Variants in OFD1 observed in about 807,000 individuals in gnomAD.
OFD1 encodes centriole and centriolar satellite protein OFD1.
In OFD1, 12 loss-of-function variants were observed where a neutral mutation model predicts 81.4. That is an observed-to-expected ratio of 0.15 (90% CI 0.09 to 0.24). OFD1 has a LOEUF of 0.24. Among genes scored for constraint, OFD1 ranks in the 10% least tolerant of loss-of-function variants. OFD1 has a pLI of 1.00. For synonymous variants in OFD1, 256 were observed against 263.7 expected, an observed-to-expected ratio of 0.97 and a Z score of 0.28; for missense variants, 685 against 733.9, an observed-to-expected ratio of 0.93 and a Z score of 0.77.
chrX:13,731,360 A>G (rs1453322334), upstream of OFD1, among the ~76,000 whole-genome samples: 1 of 112,556 alleles, frequency 8.9e-6, no homozygotes, highest in African/African-American at 3.2e-5. Context: ...AGGCACTTTT[A>G]TTATACATTA....
At chrX:13,739,998 A>G (rs1414302848) in intron 5 of OFD1, 2 of 909,629 alleles carry the variant, frequency 2.2e-6, no homozygotes, top group East Asian at 7.8e-5. Flanking sequence ...TGTTGCCTGC[A>G]CTATCATCCC....
upstream of OFD1, chrX:13,734,620 C>A: frequency 1.2e-6 from 1 of 814,405 alleles, no homozygotes; most frequent in Non-Finnish European, 1.5e-6. Flanking sequence ...GCAGTTCTCG[C>A]GATACCCTGG....
Position 13,744,460 on chromosome X carries a change from C to T in OFD1, c.458C>T (p.Ala153Val). 2.5e-6 allele frequency: 3 copies of T among 1,192,606 alleles called. No individual in the cohort carries two copies. The highest frequency in any genetic ancestry group is 3.4e-6 in the Non-Finnish European group (3 of 879,197). The change falls in exon 6 of 23, where the codon GCT becomes GTT. Residue 153 changes from alanine (A) to valine (V), a missense_variant. Transcript: ENST00000340096. ...FLKELAEYHQAKESCNMETQT... is the reference protein window; with the variant it reads ...FLKELAEYHQVKESCNMETQT... ...AAAGAATTGGCAGAATATCATCAAGCTAAAGAGAGTTGTAATATGGAAACT... is the reference window on the plus strand; with the variant it reads ...AAAGAATTGGCAGAATATCATCAAGTTAAAGAGAGTTGTAATATGGAAACT...
At chrX:13,751,485 A>AC in intron 10 of OFD1, 117 bp downstream of exon 10, 1 of 599,816 alleles carries the variant, frequency 1.7e-6, no homozygotes, top group Non-Finnish European at 2.6e-6. Context: ...AAAAAAAAAA[A>AC]ACATAGTTTT....
chrX:13,740,115 A>G, intron 5 of OFD1: 1 of 965,005 alleles, frequency 1.0e-6, no homozygotes, highest in South Asian at 2.0e-5. Context: ...TTAATCGCCA[A>G]GTCTCTTGGT....
the OFD1 span, among the ~76,000 whole-genome samples, chrX:13,728,197 C>T: frequency 4.5e-5 from 5 of 112,190 alleles, no homozygotes; most frequent in Non-Finnish European, 5.6e-5. Flanking sequence ...ACCATTCCTT[C>T]TGAAACTATT....
Position 13,744,428 on chromosome X carries a change from T to G in OFD1, c.426T>G (p.His142Gln). ...DKENQKGFLM[H>Q]FLKELAEYHQ... is the part of the protein sequence containing the mutation. ...TATGTTTTTTAGGTTTTCTTATGCATTTTTTAAAAGAATTGGCAGAATATC... is the reference window on the plus strand; with the variant it reads ...TATGTTTTTTAGGTTTTCTTATGCAGTTTTTAAAAGAATTGGCAGAATATC... Residue 142 changes from histidine (H) to glutamine (Q), a missense_variant, in exon 6 of 23, where the codon CAT (histidine) becomes CAG (glutamine). His to Gln is a conservative substitution (Grantham distance 24). Transcript: ENST00000340096. 8.6e-7 allele frequency: 1 copy of G among 1,169,500 alleles called. No homozygotes were observed. The highest frequency in any genetic ancestry group is 1.2e-6 in the Non-Finnish European group (1 of 858,173).
the OFD1 span, among the ~76,000 whole-genome samples, chrX:13,723,677 T>C: frequency 9.0e-6 from 1 of 111,306 alleles, no homozygotes. Context: ...AAGAGAGGCT[T>C]GGCCCAGAGG....
chrX:13,772,222 A>C (rs771086206), downstream of OFD1: 1 of 112,462 alleles, frequency 8.9e-6, no homozygotes, highest in Admixed American at 9.5e-5. Flanking sequence ...CAGTGAGTCC[A>C]GCATCCAGAT....
downstream of OFD1, chrX:13,773,470 ATGTT>A (rs968068253): frequency 8.8e-6 from 1 of 113,382 alleles, no homozygotes; most frequent in Non-Finnish European, 1.8e-5. Flanking sequence ...AGCATGAACA[ATGTT>A]TATTTTGAGT....
rs374662303 is a variant in OFD1 at position 13,765,012 on chromosome X, G to C, written c.2599+1157G>C. Among the ~76,000 whole-genome samples the C allele has an allele frequency of 2.2e-4, 25 of 112,033 alleles. No homozygotes were observed. In the East Asian group the frequency reaches 6.7e-3, roughly 30 times the overall value. On this transcript the variant is annotated intron_variant, in intron 19 of 22. Transcript: ENST00000340096. ...TCATTTGGCACAGACCTGAGCGAGG[G>C]AATACAAATAATGTGATAGGATAAG...
At chrX:13,751,094 A>G (rs914263508) in intron 9 of OFD1, among the ~76,000 whole-genome samples, 155 bp from the exon 10 acceptor site, 1 of 112,360 alleles carries the variant, frequency 8.9e-6, no homozygotes, top group African/African-American at 3.2e-5. Flanking sequence ...AGTTCATAAA[A>G]TACACTGAGG....
At position 13,765,764 on chromosome X, in the gene OFD1, T is replaced by C. The variant is rs368143444; in HGVS notation, c.2600-1363T>C. On this transcript the variant is annotated intron_variant, in intron 19 of 22. Coordinates refer to ENST00000340096, the MANE Select transcript of OFD1 (RefSeq NM_003611.3). ...GGGTCTAATTAAAACTTTTGAGATA[T>C]AGGGACCTGTGCCAAGATGCAGAGG... is the stretch of plus-strand genomic sequence containing the variant. 6.3e-4 allele frequency among the ~76,000 whole-genome samples: 70 copies of C among 111,745 alleles called. 2 individuals carry two copies. The South Asian group carries it at 0.025, about 41-fold the overall frequency.
At chrX:13,737,906 A>G (rs55998071) in intron 3 of OFD1, among the ~76,000 whole-genome samples, 1 of 111,175 alleles carries the variant, frequency 9.0e-6, no homozygotes, top group Non-Finnish European at 1.9e-5. Context: ...CTGGAGTGCA[A>G]TGGCGCAGTC....
At chrX:13,714,963 A>G in the OFD1 span, among the ~76,000 whole-genome samples, 1 of 112,514 alleles carries the variant, frequency 8.9e-6, no homozygotes, top group African/African-American at 3.2e-5. Flanking sequence ...TCAGCTTCTC[A>G]AATTAGTGTA....
chrX:13,751,207 C>T (rs1317638964), intron 9 of OFD1, 42 bp from the exon 10 acceptor site: 6 of 1,178,739 alleles, frequency 5.1e-6, no homozygotes, highest in Non-Finnish European at 6.9e-6. Flanking sequence ...GTTAGCTCAG[C>T]TATGGTAGTT....
At chrX:13,731,754 G>A (rs766310429), upstream of OFD1, among the ~76,000 whole-genome samples, 132 of 112,124 alleles carry the variant, frequency 1.2e-3, 1 homozygote, top group African/African-American at 4.0e-3. Context: ...TCAATTTATG[G>A]CACAGGGTCT....
the OFD1 span, among the ~76,000 whole-genome samples, chrX:13,728,118 A>G: frequency 8.9e-6 from 1 of 111,834 alleles, no homozygotes; most frequent in African/African-American, 3.3e-5. Context: ...ATAGCTTACC[A>G]ACCAAAAAAA....
chrX:13,731,655 GACCCAGAAAGC>G (rs1192832884), upstream of OFD1, among the ~76,000 whole-genome samples: 4 of 111,210 alleles, frequency 3.6e-5, no homozygotes, highest in African/African-American at 1.3e-4. Context: ...CAGTGCCAGG[GACCCAGAAAGC>G]ACTCATTATT....
Sources: gnomAD v4.1 joint callset for allele counts (sites outside exome capture counted in the v4.1 genomes callset) on GRCh38, gnomAD v4.1.1 for gene constraint, MANE v1.5 for transcripts, NCBI Gene and HGNC (gene_info 2026-07-23, HGNC 2026-07-21) for gene names.